ACBD6: variants seen among roughly 807,000 people sequenced by gnomAD.
ACBD6 encodes acyl-CoA-binding domain-containing protein 6.
ACBD6 carries 28 observed loss-of-function variants against 37.2 expected under a neutral mutation model. The observed-to-expected ratio is 0.75, with a 90% CI of 0.56 to 1.03. The LOEUF is 1.03. ACBD6 is among the 50% of genes least tolerant of loss of function. The pLI is 0.00. For synonymous variants in ACBD6, 113 were observed against 126.8 expected, an observed-to-expected ratio of 0.89 and a Z score of 0.73; for missense variants, 340 against 337.4, an observed-to-expected ratio of 1.01 and a Z score of -0.06.
At chr1:180,442,706 G>C (rs998296395) in intron 3 of ACBD6, among the ~76,000 whole-genome samples, 1 of 151,862 alleles carries the variant, frequency 6.6e-6, no homozygotes, top group Non-Finnish European at 1.5e-5. Context: ...CTCCATCTTC[G>C]AGCTTCAAGT....
intron 4 of ACBD6, among the ~76,000 whole-genome samples, chr1:180,429,947 T>C (rs1648747741): frequency 6.6e-6 from 1 of 152,152 alleles, no homozygotes; most frequent in Non-Finnish European, 1.5e-5. Context: ...GGTTCAGACA[T>C]TTAATTGATT....
chr1:180,458,911 T>C (rs574227429), intron 3 of ACBD6, among the ~76,000 whole-genome samples: 1 of 152,342 alleles, frequency 6.6e-6, no homozygotes, highest in East Asian at 1.9e-4. Flanking sequence ...ATATGTTCCA[T>C]TATAAAACTG....
chr1:180,413,545 TTGCTGCTGACATAGA>T, intron 4 of ACBD6, 74 bp from the exon 5 acceptor site: 2 of 1,187,174 alleles, frequency 1.7e-6, no homozygotes, highest in Non-Finnish European at 2.5e-6. Context: ...CACAATCTGT[TTGCTGCTGACATAGA>T]TGTTAATGGA....
intron 6 of ACBD6, among the ~76,000 whole-genome samples, chr1:180,330,328 G>C (rs1321626757): frequency 2.0e-5 from 3 of 151,672 alleles, no homozygotes; most frequent in Non-Finnish European, 2.9e-5. Context: ...GCTGAGGTGG[G>C]AGGATCTCCT....
intron 3 of ACBD6, among the ~76,000 whole-genome samples, chr1:180,471,509 T>C (rs904225135): frequency 4.6e-5 from 7 of 151,838 alleles, no homozygotes; most frequent in Non-Finnish European, 8.8e-5. Context: ...AGAGGTTTAA[T>C]TGGACTTACA....
intron 3 of ACBD6, among the ~76,000 whole-genome samples, chr1:180,482,450 GA>G (rs1651089524): frequency 6.6e-6 from 1 of 150,862 alleles, no homozygotes; most frequent in Admixed American, 6.6e-5. Context: ...GAGGTGAAGA[GA>G]AATGAAGTTA....
chr1:180,501,318 T>C (rs1027100964), intron 1 of ACBD6, among the ~76,000 whole-genome samples: 3 of 149,236 alleles, frequency 2.0e-5, no homozygotes, highest in African/African-American at 7.5e-5. Context: ...AAAGTTGTAA[T>C]ACTGCATTTT....
chr1:180,279,137 C>A (rs1571309719), intron 9 of ACBD6, among the ~76,000 whole-genome samples: 6 of 152,196 alleles, frequency 3.9e-5, no homozygotes, highest in Admixed American at 2.6e-4. Context: ...ATACTTAGAG[C>A]CATGAAATAC....
At chr1:180,490,828 G>A (rs1306552942) in intron 3 of ACBD6, among the ~76,000 whole-genome samples, 2 of 150,782 alleles carry the variant, frequency 1.3e-5, no homozygotes, top group African/African-American at 2.4e-5. Flanking sequence ...TTAGCCAGGT[G>A]TAGTGGTGTG....
intron 5 of ACBD6, among the ~76,000 whole-genome samples, chr1:180,400,646 C>T (rs1021146363): frequency 6.6e-6 from 1 of 152,108 alleles, no homozygotes; most frequent in African/African-American, 2.4e-5. Context: ...GTCTGTGATA[C>T]CTTTTACTTC....
intron 7 of ACBD6, among the ~76,000 whole-genome samples, chr1:180,296,028 T>C (rs1480986447): frequency 6.6e-6 from 1 of 152,200 alleles, no homozygotes; most frequent in Non-Finnish European, 1.5e-5. Context: ...GTCAGCCAAC[T>C]TGTGAATGCC....
At chr1:180,304,513 A>G (rs911837409) in intron 7 of ACBD6, among the ~76,000 whole-genome samples, 1 of 150,846 alleles carries the variant, frequency 6.6e-6, no homozygotes, top group Non-Finnish European at 1.5e-5. Context: ...ACTGCTTCAA[A>G]GAGAATAAAA....
chr1:180,467,790 ATATCATTAT>A (rs1362821460), intron 3 of ACBD6, among the ~76,000 whole-genome samples: 1 of 150,902 alleles, frequency 6.6e-6, no homozygotes, highest in Admixed American at 6.7e-5. Context: ...ACTGTATGAT[ATATCATTAT>A]TTAACCATTC....
At chr1:180,413,808 A>C (rs964472487) in intron 4 of ACBD6, among the ~76,000 whole-genome samples, 3 of 152,216 alleles carry the variant, frequency 2.0e-5, no homozygotes, top group Non-Finnish European at 2.9e-5. Flanking sequence ...AGATAGTAGA[A>C]TCAAAGACTA....
At chr1:180,475,040 A>C (rs1219018802) in intron 3 of ACBD6, among the ~76,000 whole-genome samples, 2 of 152,234 alleles carry the variant, frequency 1.3e-5, no homozygotes, top group Non-Finnish European at 2.9e-5. Flanking sequence ...TGAAATCAAC[A>C]CCCAGATTTA....
At chr1:180,463,636 A>G (rs996450348) in intron 3 of ACBD6, among the ~76,000 whole-genome samples, 1 of 152,202 alleles carries the variant, frequency 6.6e-6, no homozygotes, top group Non-Finnish European at 1.5e-5. Flanking sequence ...TACAAAGAAG[A>G]GCTGGTACCA....
chr1:180,292,615 T>A (rs898335564), intron 7 of ACBD6, among the ~76,000 whole-genome samples: 5 of 144,798 alleles, frequency 3.5e-5, no homozygotes, highest in African/African-American at 1.4e-4. Flanking sequence ...TATTCTAGGT[T>A]TTTTTTTTTT....
intron 6 of ACBD6, among the ~76,000 whole-genome samples, chr1:180,328,472 T>G (rs1252080751): frequency 2.0e-5 from 3 of 151,938 alleles, no homozygotes; most frequent in Admixed American, 2.0e-4. Flanking sequence ...TCACACTTGA[T>G]CTACCATCTC....
At chr1:180,353,936 A>G (rs1162180433) in intron 6 of ACBD6, among the ~76,000 whole-genome samples, 1 of 152,226 alleles carries the variant, frequency 6.6e-6, no homozygotes, top group African/African-American at 2.4e-5. Context: ...TTTGTGAGCT[A>G]AAGTTAATGG....
Sources: allele counts gnomAD v4.1 joint callset (sites outside exome capture counted in the v4.1 genomes callset), GRCh38; gene constraint gnomAD v4.1.1; transcripts MANE v1.5; gene names NCBI Gene and HGNC (gene_info 2026-07-23, HGNC 2026-07-21).